The following PDE4D variants were observed in gnomAD, a reference collection of about 807,000 sequenced individuals.
PDE4D encodes 3',5'-cyclic-AMP phosphodiesterase 4D.
A neutral mutation model predicts 87.4 loss-of-function variants in PDE4D; 24 were observed. That is an observed-to-expected ratio of 0.27 (90% CI 0.20 to 0.39). The LOEUF is 0.39. Among genes scored for constraint, PDE4D ranks in the 10% least tolerant of loss-of-function variants. The pLI, the probability that PDE4D is intolerant of heterozygous loss-of-function variation, is 1.00. For missense variants in PDE4D, 714 were observed against 1,041.0 expected (o/e 0.69, Z 4.32); for synonymous variants, 384 against 383.2 (o/e 1.00, Z -0.02).
chr5:60,206,212 G>T (rs985836582), intron 1 of PDE4D, among the ~76,000 whole-genome samples: 5 of 152,130 alleles, frequency 3.3e-5, no homozygotes, highest in Non-Finnish European at 5.9e-5. Context: ...CCTAGCTTTT[G>T]CCACCTTTAA....
At chr5:59,299,631 T>TTGTC (rs1156436540) in intron 1 of PDE4D, among the ~76,000 whole-genome samples, 1 of 152,210 alleles carries the variant, frequency 6.6e-6, no homozygotes, top group Non-Finnish European at 1.5e-5. Context: ...TTAGGTTTGT[T>TTGTC]TGTCTGTTTT....
At chr5:59,660,423 T>C (rs1580228342) in intron 1 of PDE4D, among the ~76,000 whole-genome samples, 1 of 152,160 alleles carries the variant, frequency 6.6e-6, no homozygotes, top group Non-Finnish European at 1.5e-5. Context: ...ATTTATTTTT[T>C]CTCTCTCAAA....
chr5:60,232,673 C>T (rs557195305), intron 1 of PDE4D, among the ~76,000 whole-genome samples: 4 of 151,968 alleles, frequency 2.6e-5, no homozygotes, highest in South Asian at 4.1e-4. Flanking sequence ...ATAATTATTA[C>T]TAAGCATTTT....
At chr5:59,129,830 A>G (rs1776017541) in intron 5 of PDE4D, among the ~76,000 whole-genome samples, 1 of 152,156 alleles carries the variant, frequency 6.6e-6, no homozygotes, top group African/African-American at 2.4e-5. Context: ...TAATTTCAAG[A>G]CATAACTTCT....
At chr5:59,519,275 G>C (rs1329643120) in intron 1 of PDE4D, among the ~76,000 whole-genome samples, 1 of 152,180 alleles carries the variant, frequency 6.6e-6, no homozygotes, top group Non-Finnish European at 1.5e-5. Context: ...TTGGATGAAA[G>C]CAGTCAATAA....
intron 1 of PDE4D, among the ~76,000 whole-genome samples, chr5:60,515,585 C>A (rs929725776): frequency 7.6e-6 from 1 of 132,260 alleles, no homozygotes; most frequent in Admixed American, 7.9e-5. Flanking sequence ...TCTGAGCTTT[C>A]TTTCCTTTTC....
At chr5:59,305,934 GTTTC>G (rs1264182020) in intron 1 of PDE4D, among the ~76,000 whole-genome samples, 1 of 152,102 alleles carries the variant, frequency 6.6e-6, no homozygotes, top group East Asian at 1.9e-4. Context: ...TAAATCCATT[GTTTC>G]TTTGTTGACT....
chr5:59,420,214 T>G (rs1794258003), intron 1 of PDE4D, among the ~76,000 whole-genome samples: 1 of 152,200 alleles, frequency 6.6e-6, no homozygotes, highest in Non-Finnish European at 1.5e-5. Flanking sequence ...GAAAGATTAA[T>G]GGGTCTGTGT....
intron 1 of PDE4D, among the ~76,000 whole-genome samples, chr5:59,646,403 T>C (rs530830502): frequency 1.1e-4 from 17 of 152,336 alleles, no homozygotes; most frequent in African/African-American, 4.1e-4. Flanking sequence ...AAGGGACTGA[T>C]TCTGTTGGAT....
chr5:59,190,687 A>G (rs1394187180), intron 3 of PDE4D, among the ~76,000 whole-genome samples: 1 of 152,152 alleles, frequency 6.6e-6, no homozygotes, highest in Non-Finnish European at 1.5e-5. Context: ...AAAATTTGAG[A>G]AGTTAGTGAT....
intron 1 of PDE4D, among the ~76,000 whole-genome samples, chr5:60,302,442 C>G (rs191361088): frequency 6.6e-4 from 100 of 152,086 alleles, no homozygotes; most frequent in Admixed American, 1.2e-3. Flanking sequence ...CTAGTTTTTC[C>G]AATATATATA....
chr5:60,302,705 T>C (rs552323332), intron 1 of PDE4D, among the ~76,000 whole-genome samples: 89 of 152,350 alleles, frequency 5.8e-4, no homozygotes, highest in Non-Finnish European at 4.1e-4. Flanking sequence ...TGTCTTCTGC[T>C]AGCTTAGGGT....
chr5:59,376,924 A>T lies in PDE4D; in HGVS notation c.456-160956T>A, dbSNP rs563587276. ...ATCTGTGACAAACCTAACAAAAACA[A>T]GCATTGGAGAAAAGATTCCCTATTC... On this transcript the variant is annotated intron_variant, in intron 1 of 14. Coordinates refer to ENST00000340635, the MANE Select transcript of PDE4D (RefSeq NM_001104631.2). Among the ~76,000 whole-genome samples, 88 of 152,316 alleles carry T rather than the reference A, an allele frequency of 5.8e-4. 1 individual carries two copies. Among genetic ancestry groups the T allele is most frequent in the African/African-American group, 2.1e-3 (86 of 41,568 alleles).
In PDE4D at chr5:59,780,835, C is replaced by A. The variant is rs4699943; in HGVS notation, c.455+112333G>T. The stretch of plus-strand genomic sequence containing the variant: ...GTCATATTTGTCCTGGAGCCTGAGG[C>A]GAGCCAACCACTCTCTAGGGCTCAG... On this transcript the variant is annotated intron_variant, in intron 1 of 14. Coordinates refer to ENST00000340635, the MANE Select transcript of PDE4D (RefSeq NM_001104631.2). 5.9e-5 allele frequency among the ~76,000 whole-genome samples: 9 copies of A among 152,124 alleles called. No individual in the cohort carries two copies. The South Asian group carries it at 1.9e-3, about 32-fold the overall frequency.
chr5:59,951,698 G>A (rs1296039023), intron 3 of PDE4D, among the ~76,000 whole-genome samples: 1 of 152,138 alleles, frequency 6.6e-6, no homozygotes, highest in East Asian at 1.9e-4. Flanking sequence ...ATGTAACCTA[G>A]ATTTAGTAGG....
At chr5:59,703,216 A>G (rs17742120) in intron 1 of PDE4D, among the ~76,000 whole-genome samples, 28,082 of 152,160 alleles carry the variant, frequency 0.18, 3,173 homozygotes, top group South Asian at 0.26. Context: ...ATAATTGCAC[A>G]TGGATATATT....
intron 3 of PDE4D, among the ~76,000 whole-genome samples, chr5:59,898,749 C>G (rs761907211): frequency 6.6e-6 from 1 of 152,040 alleles, no homozygotes; most frequent in African/African-American, 2.4e-5. Flanking sequence ...TAAGCAGAAG[C>G]CTGATAAAGA....
At chr5:60,183,871 A>C (rs998350917) in intron 2 of PDE4D, among the ~76,000 whole-genome samples, 4 of 152,226 alleles carry the variant, frequency 2.6e-5, no homozygotes, top group African/African-American at 4.8e-5. Context: ...CTAACTAGGC[A>C]ATAAGTCTGG....
upstream of PDE4D, among the ~76,000 whole-genome samples, chr5:60,491,684 G>T (rs1749540223): frequency 6.6e-6 from 1 of 152,146 alleles, no homozygotes; most frequent in Admixed American, 6.5e-5. Context: ...TAAGAAAAAT[G>T]TGGGGAGTGC....
Sources: allele counts gnomAD v4.1 joint callset (sites outside exome capture counted in the v4.1 genomes callset), GRCh38; gene constraint gnomAD v4.1.1; transcripts MANE v1.5; gene names NCBI Gene and HGNC (gene_info 2026-07-23, HGNC 2026-07-21).